The following BTBD8 variants were observed in gnomAD, a reference collection of about 807,000 sequenced individuals.
BTBD8 encodes the protein BTB/POZ domain-containing protein 8.
BTBD8 carries 110 observed loss-of-function variants against 162.9 expected under a neutral mutation model. The ratio of observed to expected loss-of-function variants is 0.68; its 90% CI spans 0.58 to 0.79. The LOEUF is 0.79. Ranked by LOEUF, BTBD8 falls within the 30% of genes least tolerant of loss-of-function variation. BTBD8 has a pLI of 0.00. For synonymous variants in BTBD8, 667 were observed against 716.1 expected, an observed-to-expected ratio of 0.93 and a Z score of 1.10; for missense variants, 1,905 against 2,085.4, an observed-to-expected ratio of 0.91 and a Z score of 1.68.
intron 9 of BTBD8, among the ~76,000 whole-genome samples, chr1:92,166,424 C>CTTTTTTT (rs35849731): frequency 5.8e-5 from 7 of 120,416 alleles, no homozygotes; most frequent in South Asian, 2.6e-4. Context: ...TCTTTTCTTT[C>CTTTTTTT]TTTTTTTTTT....
chr1:92,100,763 C>T (rs1648569858), intron 2 of BTBD8, among the ~76,000 whole-genome samples: 2 of 152,070 alleles, frequency 1.3e-5, no homozygotes, highest in Non-Finnish European at 2.9e-5. Context: ...GCACCCTGTA[C>T]CACGCCCAGT....
intron 2 of BTBD8, among the ~76,000 whole-genome samples, chr1:92,098,077 C>T (rs1648499757): frequency 6.6e-6 from 1 of 152,166 alleles, no homozygotes; most frequent in Non-Finnish European, 1.5e-5. Context: ...CCCACGTGTA[C>T]TCGAATTCCA....
At chr1:92,180,209 A>T in intron 16 of BTBD8, 56 bp from the exon 17 acceptor site, 1 of 1,232,976 alleles carries the variant, frequency 8.1e-7, no homozygotes, top group Non-Finnish European at 1.1e-6. Flanking sequence ...ACTAAATTTT[A>T]CTCACAAATT....
intron 9 of BTBD8, among the ~76,000 whole-genome samples, chr1:92,154,179 G>T (rs1341222664): frequency 6.6e-6 from 1 of 152,168 alleles, no homozygotes; most frequent in Admixed American, 6.6e-5. Context: ...AAGCTGAACA[G>T]ATGTGGGTGC....
In BTBD8 at chr1:92,178,470, TG is replaced by T. The variant is rs1187092711; in HGVS notation, c.2581+21del. The T allele has an allele frequency of 6.5e-7, 1 of 1,529,364 alleles. No individual in the cohort carries two copies. The highest frequency in any genetic ancestry group is 8.8e-7 in the Non-Finnish European group (1 of 1,136,118). The allele number at this position is 1,529,364 out of a possible 1,614,324, so 94.7% of individuals were successfully genotyped here. A position where few individuals can be genotyped will look rare whatever the true frequency, so the allele number is the denominator to read the frequency against. ...ACTCAAGGTAAAGCTGAAATAGTAC[TG>T]GATATCTTGAAATTATTTCCTTGTG... is the stretch of plus-strand genomic sequence containing the variant. On this transcript the variant is annotated intron_variant, in intron 16 of 17. Coordinates refer to ENST00000636805, the MANE Select transcript of BTBD8 (RefSeq NM_001376131.1).
intron 2 of BTBD8, among the ~76,000 whole-genome samples, chr1:92,100,505 G>T (rs1339285751): frequency 6.6e-6 from 1 of 152,048 alleles, no homozygotes; most frequent in East Asian, 1.9e-4. Flanking sequence ...CTTGTTATAG[G>T]TGTACTCAGA....
Position 92,134,215 on chromosome 1 carries a change from T to A in BTBD8, c.752+4439T>A, listed in dbSNP as rs1649577641. ...GAGCATAAATTTGGATTTTCCTATC[T>A]CCCTTGAGAGATTCCTGGGATTGCC... On this transcript the variant is annotated intron_variant, in intron 5 of 17. Transcript: ENST00000636805. Among the ~76,000 whole-genome samples the A allele has an allele frequency of 2.0e-5, 3 of 152,200 alleles. No homozygotes were observed. In the South Asian group the frequency reaches 6.2e-4, roughly 32 times the overall value.
At chr1:92,141,293 T>A in intron 7 of BTBD8, 82 bp downstream of exon 7, 3 of 1,355,266 alleles carry the variant, frequency 2.2e-6, no homozygotes, top group Non-Finnish European at 2.9e-6. Context: ...CTGATAGTAA[T>A]AGTGCTTTAA....
rs1570741580 is a variant in BTBD8, at chr1:92,141,335, G to T, written c.930+124G>T. 5 of 997,064 alleles carry T rather than the reference G, an allele frequency of 5.0e-6. No individual in the cohort carries two copies. The Middle Eastern group carries it at 1.8e-3, about 359-fold the overall frequency. 61.8% of individuals were successfully genotyped at this position (997,064 alleles called of 1,614,324 possible). On this transcript the variant is annotated intron_variant, in intron 7 of 17. Coordinates refer to ENST00000636805, the MANE Select transcript of BTBD8 (RefSeq NM_001376131.1). ...AAAATATTAAGTAAATTTAACTAAT[G>T]AGAACTCCAGTTGAGAAATAATTCA...
intron 9 of BTBD8, among the ~76,000 whole-genome samples, chr1:92,157,078 A>G (rs138429493): frequency 4.9e-3 from 741 of 150,990 alleles, no homozygotes; most frequent in African/African-American, 0.017. Flanking sequence ...CTTTGCTCTT[A>G]GTTCTGCTTT....
intron 5 of BTBD8, among the ~76,000 whole-genome samples, chr1:92,132,418 A>C (rs935013186): frequency 1.4e-4 from 21 of 152,170 alleles, no homozygotes; most frequent in African/African-American, 5.1e-4. Flanking sequence ...TTAATAGACC[A>C]GTGGGCAGAG....
chr1:92,133,725 C>T lies in BTBD8; in HGVS notation c.752+3949C>T, dbSNP rs1041752336. Among the ~76,000 whole-genome samples, 5 of 152,202 alleles carry T rather than the reference C, an allele frequency of 3.3e-5. 1 individual carries two copies. Among genetic ancestry groups the T allele is most frequent in the African/African-American group, 1.2e-4 (5 of 41,448 alleles). ...GTGGCTCACGCCTGTAATCCCAGCA[C>T]TTTGGGAGGCTGAGGCGGGCGGATC... is the stretch of plus-strand genomic sequence containing the variant. On this transcript the variant is annotated intron_variant, in intron 5 of 17. Transcript: ENST00000636805.
At chr1:92,168,035 A>T in intron 11 of BTBD8, 50 bp downstream of exon 11, 2 of 1,460,156 alleles carry the variant, frequency 1.4e-6, no homozygotes, top group Non-Finnish European at 1.8e-6. Context: ...TTGAACTAAG[A>T]TTTTTAGATG....
Position 92,177,333 on chromosome 1 carries a change from G to A in BTBD8, c.2140G>A (p.Gly714Arg). ...AGCAAAGCCTTTGAAGAAAGCTACA[G>A]GGAAGGATTCACCATGCCTCAGCAT... is the stretch of plus-strand genomic sequence containing the variant. The part of the protein sequence containing the change: ...AKAKPLKKAT[G>R]KDSPCLSIAG... Residue 714 changes from glycine (G) to arginine (R), a missense_variant, in exon 14 of 18, where the codon GGG becomes AGG. By Grantham distance (125) the Gly-to-Arg change is moderately radical (BLOSUM62 -2). Around this residue, in one of 3 missense-constraint regions of BTBD8, gnomAD observed 1,374 missense variants for 1,442.7 expected, o/e 0.95. Coordinates refer to ENST00000636805, the MANE Select transcript of BTBD8 (RefSeq NM_001376131.1). The A allele has an allele frequency of 6.4e-7, 1 of 1,551,828 alleles. No homozygotes were observed.
intron 1 of BTBD8, among the ~76,000 whole-genome samples, chr1:92,083,650 AT>A (rs1235018646): frequency 6.6e-6 from 1 of 152,166 alleles, no homozygotes; most frequent in Non-Finnish European, 1.5e-5. Flanking sequence ...AATGTTTGTG[AT>A]GTATCTAGAA....
chr1:92,096,098 A>G (rs1648444414), intron 2 of BTBD8, among the ~76,000 whole-genome samples: 1 of 152,016 alleles, frequency 6.6e-6, no homozygotes, highest in African/African-American at 2.4e-5. Context: ...CAGTCTCACA[A>G]GTAGCTGGGA....
At chr1:92,138,396 T>C (rs1435746819) in intron 5 of BTBD8, among the ~76,000 whole-genome samples, 1 of 152,218 alleles carries the variant, frequency 6.6e-6, no homozygotes, top group East Asian at 1.9e-4. Flanking sequence ...TGCTAAAATT[T>C]TGTAGCATTT....
intron 5 of BTBD8, among the ~76,000 whole-genome samples, chr1:92,130,646 T>C (rs1417857974): frequency 6.6e-6 from 1 of 152,062 alleles, no homozygotes; most frequent in Non-Finnish European, 1.5e-5. Flanking sequence ...CTCAAAAGGA[T>C]CTTAATTGTT....
chr1:92,102,410 G>T, intron 2 of BTBD8, 63 bp from the exon 3 acceptor site: 1 of 1,172,012 alleles, frequency 8.5e-7, no homozygotes. Flanking sequence ...AAGGAAACTA[G>T]CATTCTTTCT....
Sources: allele counts gnomAD v4.1 joint callset (sites outside exome capture counted in the v4.1 genomes callset), GRCh38; gene constraint gnomAD v4.1.1; regional missense constraint gnomAD v4.1.1; transcripts MANE v1.5; gene names NCBI Gene and HGNC (gene_info 2026-07-23, HGNC 2026-07-21).